Variants in RTKN2 observed in about 807,000 individuals in gnomAD.
The protein encoded by RTKN2 is rhotekin 2.
RTKN2 carries 69 observed loss-of-function variants against 71.5 expected under a neutral mutation model. The observed-to-expected ratio is 0.96, with a 90% CI of 0.79 to 1.18. The LOEUF is 1.18. RTKN2 is among the 50% of genes most tolerant of loss of function. The pLI is 0.00. For synonymous variants in RTKN2, 236 were observed against 236.5 expected (o/e 1.00, Z 0.02); for missense variants, 724 against 719.7 (o/e 1.01, Z -0.07).
chr10:62,216,589 C>A (rs1424871425), intron 9 of RTKN2, among the ~76,000 whole-genome samples: 1 of 152,018 alleles, frequency 6.6e-6, no homozygotes, highest in South Asian at 2.1e-4. Flanking sequence ...TATATATATA[C>A]TTGACAAATT....
intron 5 of RTKN2, chr10:62,238,164 A>T: frequency 6.6e-6 from 1 of 151,970 alleles, no homozygotes; most frequent in Non-Finnish European, 1.5e-5. Flanking sequence ...AGCTATTTTT[A>T]TAGTTTATTA....
At chr10:62,245,070 G>A (rs1842451659) in intron 3 of RTKN2, among the ~76,000 whole-genome samples, 2 of 152,068 alleles carry the variant, frequency 1.3e-5, no homozygotes, top group East Asian at 1.9e-4. Flanking sequence ...GAAAATATTT[G>A]TAAAAGTGCA....
chr10:62,218,828 A>C (rs200904944), intron 7 of RTKN2, among the ~76,000 whole-genome samples: 1 of 9,028 alleles, frequency 1.1e-4, no homozygotes, highest in African/African-American at 4.1e-4. Flanking sequence ...TCTACTAAAA[A>C]TACAAAAATT....
intron 8 of RTKN2, chr10:62,184,427 G>C: frequency 8.7e-7 from 1 of 1,153,860 alleles, no homozygotes; most frequent in Non-Finnish European, 1.2e-6. Flanking sequence ...ACCCACAGAG[G>C]TAAAGAGAAA....
At chr10:62,267,082 T>C (rs1365284333) in intron 1 of RTKN2, among the ~76,000 whole-genome samples, 2 of 152,206 alleles carry the variant, frequency 1.3e-5, no homozygotes, top group Non-Finnish European at 2.9e-5. Flanking sequence ...GTTAGTCAAG[T>C]ATAAAATTAT....
Position 62,196,903 on chromosome 10 carries a change from T to C in RTKN2, c.*1005A>G. 2 of 983,950 alleles carry C rather than the reference T, an allele frequency of 2.0e-6. No homozygotes were observed. The highest frequency in any genetic ancestry group is 2.4e-6 in the Non-Finnish European group (2 of 828,638). The allele number at this position is 983,950 out of a possible 1,614,324, so 61.0% of individuals were successfully genotyped here. A position where few individuals can be genotyped will look rare whatever the true frequency, so the allele number is the denominator to read the frequency against. ...TTTGGGTCACTATGATTAGTTGCTA[T>C]GGAAATTACCTCCTATGGAAATGAT... On this transcript the variant is annotated 3_prime_UTR_variant, in exon 12 of 12. Transcript: ENST00000373789.
chr10:62,257,872 C>T (rs1842703365), intron 2 of RTKN2, among the ~76,000 whole-genome samples: 1 of 152,136 alleles, frequency 6.6e-6, no homozygotes, highest in Non-Finnish European at 1.5e-5. Flanking sequence ...ACCTATGCAC[C>T]TCATCCTAAC....
intron 3 of RTKN2, among the ~76,000 whole-genome samples, chr10:62,241,963 T>C (rs901142764): frequency 2.0e-5 from 3 of 151,854 alleles, no homozygotes; most frequent in African/African-American, 7.3e-5. Flanking sequence ...CCTCCCAAAG[T>C]GCTGGGATTA....
chr10:62,259,623 C>A (rs1262277826), intron 2 of RTKN2, among the ~76,000 whole-genome samples: 1 of 152,208 alleles, frequency 6.6e-6, no homozygotes, highest in Non-Finnish European at 1.5e-5. Context: ...GCAATCACAG[C>A]TCACTCCAGC....
chr10:62,212,094 C>A (rs1841672214), intron 9 of RTKN2, among the ~76,000 whole-genome samples: 2 of 71,666 alleles, frequency 2.8e-5, no homozygotes, highest in African/African-American at 1.1e-4. Context: ...GGTGAAACTC[C>A]ATCTCTACTT....
At chr10:62,250,389 T>C (rs1842558360) in intron 2 of RTKN2, among the ~76,000 whole-genome samples, 2 of 152,140 alleles carry the variant, frequency 1.3e-5, no homozygotes, top group South Asian at 4.1e-4. Flanking sequence ...GAAACACTAG[T>C]TTCAAACATT....
chr10:62,219,643 A>AG (rs1841862163), intron 7 of RTKN2, among the ~76,000 whole-genome samples: 1 of 152,020 alleles, frequency 6.6e-6, no homozygotes, highest in South Asian at 2.1e-4. Context: ...AATTTTTTTG[A>AG]GAAAAAAAAG....
At chr10:62,229,075 T>G (rs983677351) in intron 6 of RTKN2, among the ~76,000 whole-genome samples, 1 of 152,256 alleles carries the variant, frequency 6.6e-6, no homozygotes, top group Non-Finnish European at 1.5e-5. Context: ...GTTTTTCTCT[T>G]GCTTCTTCAT....
rs1484884830 is a variant in RTKN2 at position 62,268,519 on chromosome 10, C to T, written c.60+32G>A. ...GAGGAACAGAACCCCGGCTCCCTCA[C>T]CTTCCGCGGCAGGGTCCCTCCCGCA... On this transcript the variant is annotated intron_variant, in intron 1 of 11. Coordinates refer to ENST00000373789, the MANE Select transcript of RTKN2 (RefSeq NM_145307.4). 7.1e-6 allele frequency: 11 copies of T among 1,548,140 alleles called. No individual in the cohort carries two copies. The Admixed American group carries it at 1.6e-4, about 22-fold the overall frequency.
At position 62,198,367 on chromosome 10, in the gene RTKN2, G is replaced by C. The variant is rs267602545; in HGVS notation, c.1371C>G (p.Phe457Leu). The C allele has an allele frequency of 9.3e-6, 15 of 1,607,582 alleles. No individual in the cohort carries two copies. The highest frequency in any genetic ancestry group is 2.7e-5 in the African/African-American group (2 of 74,440). Residue 457 changes from phenylalanine (F) to leucine (L), a missense_variant, in exon 12 of 12, where the codon TTC (phenylalanine) becomes TTG (leucine). Transcript: ENST00000373789. Reference sequence around the variant, plus strand: ...AGGATTCTTCATGCTGACCAATAAGGAACTGCCCATTTGTCTCTTCAATTT... The same window carrying C: ...AGGATTCTTCATGCTGACCAATAAGCAACTGCCCATTTGTCTCTTCAATTT... ...QKKIEETNGQ[F>L]LIGQHEESLP... is the part of the protein sequence containing the mutation.
chr10:62,251,889 A>G (rs953565710), intron 2 of RTKN2, among the ~76,000 whole-genome samples: 1 of 152,060 alleles, frequency 6.6e-6, no homozygotes, highest in Non-Finnish European at 1.5e-5. Flanking sequence ...AATATATAGA[A>G]GCAAAAGTAC....
At chr10:62,268,007 C>T (rs889481298) in intron 1 of RTKN2, among the ~76,000 whole-genome samples, 3 of 152,352 alleles carry the variant, frequency 2.0e-5, no homozygotes, top group African/African-American at 7.2e-5. Context: ...TCCCTCTTTC[C>T]TTTCAAATGA....
At chr10:62,238,383 T>C (rs1842301499) in intron 5 of RTKN2, 1 of 151,974 alleles carries the variant, frequency 6.6e-6, no homozygotes, top group Admixed American at 6.6e-5. Context: ...TTATAAATCA[T>C]GTGTTGTCTT....
At chr10:62,259,074 AG>A (rs1402723725) in intron 2 of RTKN2, 35 of 323,386 alleles carry the variant, frequency 1.1e-4, no homozygotes, top group Admixed American at 3.5e-4. Context: ...ACTGAATCAT[AG>A]GGGCAGGTTT....
Sources: allele counts gnomAD v4.1 joint callset (sites outside exome capture counted in the v4.1 genomes callset), GRCh38; gene constraint gnomAD v4.1.1; transcripts MANE v1.5; gene names NCBI Gene and HGNC (gene_info 2026-07-23, HGNC 2026-07-21).